STPG1: variants seen among roughly 807,000 people sequenced by gnomAD.
STPG1 encodes the protein sperm tail PG-rich repeat containing 1.
Under a neutral mutation model 40.1 loss-of-function variants are expected in STPG1, and 33 were observed. That is an observed-to-expected ratio of 0.82 (90% confidence interval 0.62 to 1.10). The LOEUF (loss-of-function observed/expected upper bound fraction) is 1.10. STPG1 is among the 50% of genes least tolerant of loss of function. The probability of loss-of-function intolerance (pLI) is 0.00; values close to 1 mark genes in which losing one functional copy is unlikely to be tolerated. For missense variants in STPG1, 396 were observed against 415.1 expected, an observed-to-expected ratio of 0.95 and a Z score of 0.40; for synonymous variants, 150 against 155.0, an observed-to-expected ratio of 0.97 and a Z score of 0.24.
rs1264897242 is a variant in STPG1, at chr1:24,401,193, T to C, written c.70+126A>G. 33 of 704,486 alleles carry C rather than the reference T, an allele frequency of 4.7e-5. 1 individual carries two copies. In the East Asian group the frequency reaches 8.3e-4, roughly 18 times the overall value. 43.6% of individuals were successfully genotyped at this position (704,486 alleles called of 1,614,324 possible). A position where few individuals can be genotyped will look rare whatever the true frequency, so the allele number is the denominator to read the frequency against. On this transcript the variant is annotated intron_variant, in intron 2 of 8. Coordinates refer to ENST00000337248, the MANE Select transcript of STPG1 (RefSeq NM_001199013.2). Reference sequence around the variant, plus strand: ...AACAGTAGGGCCTAAAGCCACCTATTTGGTATGCCTGTAAGGATGGCCCTG... The same window carrying C: ...AACAGTAGGGCCTAAAGCCACCTATCTGGTATGCCTGTAAGGATGGCCCTG...
chr1:24,392,152 G>T, intron 2 of STPG1: 1 of 876,244 alleles, frequency 1.1e-6, no homozygotes, highest in Non-Finnish European at 1.4e-6. Flanking sequence ...ACTTTTCAGG[G>T]CACTGTGCAA....
At chr1:24,368,975 G>A in intron 7 of STPG1, 1 of 184,758 alleles carries the variant, frequency 5.4e-6, no homozygotes, top group Non-Finnish European at 1.1e-5. Flanking sequence ...AAAGTGCTGG[G>A]ATTACAGGCG....
intron 2 of STPG1, among the ~76,000 whole-genome samples, chr1:24,396,899 T>C (rs1317650747): frequency 3.9e-5 from 6 of 152,136 alleles, no homozygotes; most frequent in Non-Finnish European, 1.5e-5. Context: ...ATTCTCAGAT[T>C]GGATAAGAAA....
chr1:24,386,531 G>A (rs949777914), intron 3 of STPG1, among the ~76,000 whole-genome samples: 2 of 152,236 alleles, frequency 1.3e-5, no homozygotes, highest in African/African-American at 2.4e-5. Flanking sequence ...ACGGGCAGAT[G>A]CTACATCTCA....
intron 7 of STPG1, chr1:24,364,119 C>T: frequency 6.8e-7 from 1 of 1,465,608 alleles, no homozygotes. Context: ...GCTGTTCCTT[C>T]TGTGAGAAAC....
chr1:24,371,904 G>A (rs1282381812), intron 6 of STPG1, among the ~76,000 whole-genome samples: 1 of 152,082 alleles, frequency 6.6e-6, no homozygotes, highest in Non-Finnish European at 1.5e-5. Flanking sequence ...GGGGCTGGGC[G>A]TGGTTGCTCA....
At chr1:24,397,248 A>G (rs1393406734) in intron 2 of STPG1, among the ~76,000 whole-genome samples, 1 of 152,212 alleles carries the variant, frequency 6.6e-6, no homozygotes, top group African/African-American at 2.4e-5. Context: ...CAGAGATCTC[A>G]AAACATCTCC....
At chr1:24,395,785 C>T (rs963768392) in intron 2 of STPG1, among the ~76,000 whole-genome samples, 3 of 152,034 alleles carry the variant, frequency 2.0e-5, no homozygotes, top group African/African-American at 7.2e-5. Flanking sequence ...GATTACTGGC[C>T]GGGTGTGGTA....
chr1:24,413,066 T>G (rs1219176077), intron 1 of STPG1, among the ~76,000 whole-genome samples: 1 of 152,246 alleles, frequency 6.6e-6, no homozygotes, highest in South Asian at 2.1e-4. Flanking sequence ...GATTTTTATC[T>G]ACTCAGTTAT....
chr1:24,410,196 G>A (rs1643562064), intron 1 of STPG1, among the ~76,000 whole-genome samples: 1 of 152,164 alleles, frequency 6.6e-6, no homozygotes, highest in Non-Finnish European at 1.5e-5. Flanking sequence ...TGTTTCACTG[G>A]CATCTACTGG....
At chr1:24,386,383 T>C (rs1393524055) in intron 3 of STPG1, among the ~76,000 whole-genome samples, 1 of 152,198 alleles carries the variant, frequency 6.6e-6, no homozygotes, top group Non-Finnish European at 1.5e-5. Flanking sequence ...TTGTTCTTAG[T>C]GAGCAAAAAG....
At chr1:24,402,834 C>T (rs1643279109) in intron 1 of STPG1, among the ~76,000 whole-genome samples, 1 of 151,798 alleles carries the variant, frequency 6.6e-6, no homozygotes, top group Non-Finnish European at 1.5e-5. Flanking sequence ...TTGAGTTGTA[C>T]AAGTTAATAC....
intron 7 of STPG1, among the ~76,000 whole-genome samples, chr1:24,363,372 G>C (rs1641247816): frequency 6.6e-6 from 1 of 152,198 alleles, no homozygotes; most frequent in Non-Finnish European, 1.5e-5. Flanking sequence ...TGGGAATCCA[G>C]GCAGTTCTGT....
chr1:24,391,817 C>T (rs1462319793), intron 2 of STPG1, 138 bp from the exon 3 acceptor site: 16 of 1,234,690 alleles, frequency 1.3e-5, no homozygotes, highest in Admixed American at 4.2e-5. Flanking sequence ...GAAACAGACA[C>T]GAAACCGGAT....
chr1:24,367,475 C>A (rs910150916), intron 7 of STPG1, among the ~76,000 whole-genome samples: 1 of 152,170 alleles, frequency 6.6e-6, no homozygotes. Context: ...CCTAGTAGGT[C>A]TATAGGATAT....
At chr1:24,391,107 C>G (rs475397) in intron 3 of STPG1, 34,390 of 152,552 alleles carry the variant, frequency 0.23, 3,996 homozygotes, top group East Asian at 0.29. Context: ...CAGGCATAAG[C>G]CACCGTGCCC....
At chr1:24,409,538 T>C (rs1557466627) in intron 1 of STPG1, among the ~76,000 whole-genome samples, 1 of 152,238 alleles carries the variant, frequency 6.6e-6, no homozygotes, top group Non-Finnish European at 1.5e-5. Flanking sequence ...TCCACCCTTG[T>C]CTGTAGCTTT....
intron 1 of STPG1, among the ~76,000 whole-genome samples, chr1:24,411,409 G>T (rs1363348457): frequency 6.6e-6 from 1 of 152,090 alleles, no homozygotes; most frequent in Non-Finnish European, 1.5e-5. Flanking sequence ...GCTAAATTTT[G>T]ACATTTAGCA....
Position 24,369,428 on chromosome 1 carries a change from T to C in STPG1, c.737+246A>G, listed in dbSNP as rs542038366. 1,018 of 636,200 alleles carry C rather than the reference T, an allele frequency of 1.6e-3. 2 individuals are homozygous for C. Among genetic ancestry groups the C allele is most frequent in the Non-Finnish European group, 2.4e-3 (824 of 337,000 alleles). The allele number at this position is 636,200 out of a possible 1,614,324, so 39.4% of individuals were successfully genotyped here. The stretch of plus-strand genomic sequence containing the variant: ...CTCCTCTATGGGGTAAGAGTAACAA[T>C]TCTTACAACAGGATTATAATAATAA... On this transcript the variant is annotated intron_variant, in intron 7 of 8. Coordinates refer to ENST00000337248, the MANE Select transcript of STPG1 (RefSeq NM_001199013.2).
Sources: allele counts gnomAD v4.1 joint callset (sites outside exome capture counted in the v4.1 genomes callset), GRCh38; gene constraint gnomAD v4.1.1; transcripts MANE v1.5; gene names NCBI Gene and HGNC (gene_info 2026-07-23, HGNC 2026-07-21).